The following TGFA variants were observed in gnomAD, a reference collection of about 807,000 sequenced individuals.
TGFA encodes transforming growth factor alpha.
TGFA carries 12 observed loss-of-function variants against 21.7 expected under a neutral mutation model. The observed-to-expected ratio is 0.55, with a 90% CI of 0.35 to 0.90. The LOEUF (loss-of-function observed/expected upper bound fraction) is 0.90, where lower values mean the gene tolerates loss of function less well. TGFA is among the 40% of genes least tolerant of loss of function. The pLI is 0.01. For missense variants in TGFA, 178 were observed against 210.8 expected, an observed-to-expected ratio of 0.84 and a Z score of 0.96; for synonymous variants, 79 against 88.1, an observed-to-expected ratio of 0.90 and a Z score of 0.58.
intron 5 of TGFA, 131 bp downstream of exon 5, chr2:70,453,087 G>A: frequency 1.2e-6 from 1 of 806,714 alleles, no homozygotes; most frequent in Non-Finnish European, 2.0e-6. Context: ...ACCTGACTTG[G>A]TAGAATGAAA....
At chr2:70,490,068 T>G (rs1348972187) in intron 2 of TGFA, among the ~76,000 whole-genome samples, 3 of 152,196 alleles carry the variant, frequency 2.0e-5, no homozygotes, top group Non-Finnish European at 4.4e-5. Context: ...TTCAGGTGAT[T>G]GTAACATATA....
chr2:70,453,200 A>G lies in TGFA; in HGVS notation c.475+18T>C. On this transcript the variant is annotated intron_variant, in intron 5 of 5. Coordinates refer to ENST00000295400, the MANE Select transcript of TGFA (RefSeq NM_003236.4). ...TCTCCACCCAATAGTGTCTCCCACC[A>G]GAGAAGAGTCTCCTTACCTGTTTCT... 6.2e-7 allele frequency: 1 copy of G among 1,607,810 alleles called. No homozygotes were observed. The highest frequency in any genetic ancestry group is 8.5e-7 in the Non-Finnish European group (1 of 1,174,640).
intron 2 of TGFA, among the ~76,000 whole-genome samples, chr2:70,491,956 A>G (rs192109828): frequency 1.1e-4 from 16 of 152,260 alleles, no homozygotes; most frequent in Middle Eastern, 3.4e-3. Flanking sequence ...ACATTTTTTA[A>G]ATTTCTTACC....
At chr2:70,551,082 T>G (rs1379258085) in intron 1 of TGFA, among the ~76,000 whole-genome samples, 20 of 151,974 alleles carry the variant, frequency 1.3e-4, no homozygotes, top group Non-Finnish European at 2.9e-5. Flanking sequence ...ACAATGATGA[T>G]GATGATAAGA....
At chr2:70,544,818 G>A (rs1363576471) in intron 1 of TGFA, among the ~76,000 whole-genome samples, 3 of 152,138 alleles carry the variant, frequency 2.0e-5, no homozygotes, top group Non-Finnish European at 2.9e-5. Flanking sequence ...AGCTGAAAAT[G>A]AAAACAATTG....
intron 4 of TGFA, among the ~76,000 whole-genome samples, chr2:70,454,694 C>A (rs78960770): frequency 0.037 from 5,575 of 152,268 alleles, 283 homozygotes; most frequent in African/African-American, 0.13. Flanking sequence ...AGGAAGCCAG[C>A]AGCCTGGCAG....
intron 2 of TGFA, among the ~76,000 whole-genome samples, chr2:70,499,588 C>T (rs1000287112): frequency 3.9e-5 from 6 of 152,300 alleles, no homozygotes; most frequent in African/African-American, 1.2e-4. Context: ...GAAGTAACCT[C>T]GATGCCATAT....
chr2:70,520,221 A>C (rs1672404973), intron 1 of TGFA, among the ~76,000 whole-genome samples: 1 of 152,154 alleles, frequency 6.6e-6, no homozygotes. Flanking sequence ...ACTTCAACGA[A>C]GGGTTTTACT....
intron 1 of TGFA, among the ~76,000 whole-genome samples, chr2:70,526,997 A>C (rs782145376): frequency 6.6e-6 from 1 of 152,396 alleles, no homozygotes; most frequent in Non-Finnish European, 1.5e-5. Context: ...TTCAGGAGTC[A>C]AAACCAATTG....
chr2:70,489,502 A>C (rs1671365421), intron 2 of TGFA, among the ~76,000 whole-genome samples: 1 of 152,228 alleles, frequency 6.6e-6, no homozygotes, highest in Non-Finnish European at 1.5e-5. Flanking sequence ...CCCAGTCTCC[A>C]ACTCAGGGGT....
intron 2 of TGFA, among the ~76,000 whole-genome samples, chr2:70,474,116 A>G (rs1670854682): frequency 6.6e-6 from 1 of 152,178 alleles, no homozygotes; most frequent in Non-Finnish European, 1.5e-5. Context: ...TCATACACTG[A>G]CTTTAGATCC....
intron 2 of TGFA, among the ~76,000 whole-genome samples, chr2:70,482,040 A>C (rs560187214): frequency 6.6e-6 from 1 of 152,314 alleles, no homozygotes; most frequent in Non-Finnish European, 1.5e-5. Context: ...TAAATAACAT[A>C]CACTTTGAGT....
At chr2:70,505,323 C>G (rs1238759063) in intron 2 of TGFA, among the ~76,000 whole-genome samples, 2 of 152,126 alleles carry the variant, frequency 1.3e-5, no homozygotes, top group Non-Finnish European at 2.9e-5. Context: ...GGAAATTGCC[C>G]ACAATGGCAA....
At chr2:70,553,698 C>G in intron 1 of TGFA, 30 bp downstream of exon 1, 1 of 1,328,558 alleles carries the variant, frequency 7.5e-7, no homozygotes, top group Non-Finnish European at 9.6e-7. Flanking sequence ...TGTCGCGCGG[C>G]GCAGGGGGCG....
At chr2:70,491,721 G>A (rs1671443439) in intron 2 of TGFA, among the ~76,000 whole-genome samples, 1 of 152,122 alleles carries the variant, frequency 6.6e-6, no homozygotes, top group African/African-American at 2.4e-5. Context: ...CTTCCTTTAT[G>A]AGCAAAAGAC....
Position 70,553,757 on chromosome 2 carries a change from G to C in TGFA, c.11C>G (p.Ser4Trp), listed in dbSNP as rs199781024. 1 of 1,293,892 alleles carries C rather than the reference G, an allele frequency of 7.7e-7. No individual in the cohort carries two copies. The highest frequency in any genetic ancestry group is 1.5e-5 in the African/African-American group (1 of 65,536). 80.2% of individuals were successfully genotyped at this position (1,293,892 alleles called of 1,614,324 possible). Residue 4 changes from serine to tryptophan, a missense_variant, in exon 1 of 6, where the codon TCG becomes TGG. Physicochemically the swap from Ser to Trp is radical, Grantham distance 177. Transcript: ENST00000295400. Reference sequence around the variant, plus strand: ...AGCGAACAGGGCGAGCTGTCCAGCCGAGGGGACCATTTTACGGGCGGGCGG... The same window carrying C: ...AGCGAACAGGGCGAGCTGTCCAGCCCAGGGGACCATTTTACGGGCGGGCGG... MVP[S>W]AGQLALFALG...
chr2:70,520,893 C>T (rs1037395116), intron 1 of TGFA, among the ~76,000 whole-genome samples: 22 of 152,164 alleles, frequency 1.4e-4, no homozygotes, highest in African/African-American at 4.3e-4. Flanking sequence ...TGGTTCTGGG[C>T]GGGACTGATA....
At chr2:70,553,155 AT>A (rs2103967947) in intron 1 of TGFA, 1 of 1,535,012 alleles carries the variant, frequency 6.5e-7, no homozygotes, top group Non-Finnish European at 8.7e-7. Flanking sequence ...TAAAGGAACC[AT>A]TAATCCGCCC....
At chr2:70,522,280 G>C (rs1259653478) in intron 1 of TGFA, among the ~76,000 whole-genome samples, 2 of 152,166 alleles carry the variant, frequency 1.3e-5, no homozygotes, top group African/African-American at 4.8e-5. Context: ...TGAGTAGTGA[G>C]GGTGTACAGA....
Sources: allele counts gnomAD v4.1 joint callset (sites outside exome capture counted in the v4.1 genomes callset), GRCh38; gene constraint gnomAD v4.1.1; transcripts MANE v1.5; gene names NCBI Gene and HGNC (gene_info 2026-07-23, HGNC 2026-07-21).